CACNG2: variants seen among roughly 807,000 people sequenced by gnomAD.
CACNG2 encodes the protein voltage-dependent calcium channel gamma-2 subunit.
Under a neutral mutation model 25.9 loss-of-function variants are expected in CACNG2, and 3 were observed. That is an observed-to-expected ratio of 0.12 (90% CI 0.05 to 0.30). The LOEUF (loss-of-function observed/expected upper bound fraction) is 0.30. Ranked by LOEUF, CACNG2 falls within the 10% of genes least tolerant of loss-of-function variation. The pLI, the probability that CACNG2 is intolerant of heterozygous loss-of-function variation, is 1.00. For missense variants in CACNG2, 341 were observed against 432.5 expected (o/e 0.79, Z 1.88); for synonymous variants, 167 against 173.3 (o/e 0.96, Z 0.29).
intron 1 of CACNG2, among the ~76,000 whole-genome samples, chr22:36,594,178 C>T (rs2145926880): frequency 6.6e-6 from 1 of 152,320 alleles, no homozygotes; most frequent in Non-Finnish European, 1.5e-5. Flanking sequence ...CCTAGGCACC[C>T]TCTGTCCCTG....
chr22:36,697,280 T>G (rs1353830993), intron 1 of CACNG2, among the ~76,000 whole-genome samples: 2 of 151,466 alleles, frequency 1.3e-5, no homozygotes, highest in Non-Finnish European at 2.9e-5. Context: ...TGCAGGGGAG[T>G]CACTGGGTTG....
chr22:36,570,007 C>T (rs1935197591), intron 2 of CACNG2, among the ~76,000 whole-genome samples: 1 of 152,192 alleles, frequency 6.6e-6, no homozygotes, highest in African/African-American at 2.4e-5. Context: ...TCTGGCCTTC[C>T]CCCTCCAAGA....
chr22:36,587,606 G>A, intron 1 of CACNG2, 58 bp from the exon 2 acceptor site: 1 of 1,168,030 alleles, frequency 8.6e-7, no homozygotes, highest in Non-Finnish European at 1.3e-6. Context: ...GGCGCTTAGG[G>A]CCCACCTGCC....
chr22:36,631,240 C>T (rs1219222405), intron 1 of CACNG2, among the ~76,000 whole-genome samples: 2 of 152,144 alleles, frequency 1.3e-5, no homozygotes, highest in African/African-American at 2.4e-5. Context: ...TGGAAGTTCA[C>T]AGATGGTGTT....
At chr22:36,617,449 T>G (rs1936039667) in intron 1 of CACNG2, among the ~76,000 whole-genome samples, 1 of 151,952 alleles carries the variant, frequency 6.6e-6, no homozygotes, top group African/African-American at 2.4e-5. Flanking sequence ...ATACCAGCTT[T>G]TGGAGGCAGA....
chr22:36,680,605 T>C (rs2146002326), intron 1 of CACNG2, among the ~76,000 whole-genome samples: 1 of 138,706 alleles, frequency 7.2e-6, no homozygotes, highest in African/African-American at 2.8e-5. Context: ...GCATCATGGC[T>C]ATAATTACTA....
intron 1 of CACNG2, among the ~76,000 whole-genome samples, chr22:36,687,483 C>T (rs756447828): frequency 4.6e-5 from 7 of 152,118 alleles, no homozygotes; most frequent in Non-Finnish European, 8.8e-5. Context: ...TGAATCCTTC[C>T]TGGTACAAGC....
chr22:36,597,584 A>G lies in CACNG2; in HGVS notation c.212-10036T>C, dbSNP rs190116087. The stretch of plus-strand genomic sequence containing the variant: ...GTTCTTAACCCAGAACAGATACTCA[A>G]CAATGTAGGTCCTCCTTCTTTTTCT... On this transcript the variant is annotated intron_variant, in intron 1 of 3. Coordinates refer to ENST00000300105, the MANE Select transcript of CACNG2 (RefSeq NM_006078.5). Among the ~76,000 whole-genome samples the G allele has an allele frequency of 2.3e-4, 35 of 152,310 alleles. No individual in the cohort carries two copies. The East Asian group carries it at 4.2e-3, about 18-fold the overall frequency.
intron 1 of CACNG2, among the ~76,000 whole-genome samples, chr22:36,609,658 CCCCCCAGAGCGTGATCGGGCAGGAATCAA>C (rs1935901730): frequency 7.2e-5 from 2 of 27,752 alleles, no homozygotes; most frequent in Non-Finnish European, 2.4e-4. Flanking sequence ...CAGGAATCAG[CCCCCCAGAGCGTGATCGGGCAGGAATCAA>C]CCCCCCAGAG....
Position 36,702,591 on chromosome 22 carries a change from T to C in CACNG2, c.-15A>G, listed in dbSNP as rs781541326. ...AACAGCCCCATAATTCTTCATTATA[T>C]AAACACCCAACCGACTTCTGGTTCT... On this transcript the variant is annotated 5_prime_UTR_variant, in exon 1 of 4. Coordinates refer to ENST00000300105, the MANE Select transcript of CACNG2 (RefSeq NM_006078.5). 1.0e-5 allele frequency: 16 copies of C among 1,607,600 alleles called. No individual in the cohort carries two copies. The highest frequency in any genetic ancestry group is 1.7e-5 in the Admixed American group (1 of 59,984).
chr22:36,607,894 C>T (rs1257367697), intron 1 of CACNG2, among the ~76,000 whole-genome samples: 1 of 152,228 alleles, frequency 6.6e-6, no homozygotes, highest in South Asian at 2.1e-4. Context: ...TAAAACAACA[C>T]CCATTTCACT....
intron 1 of CACNG2, among the ~76,000 whole-genome samples, chr22:36,645,019 G>A (rs1936497536): frequency 6.6e-6 from 1 of 152,148 alleles, no homozygotes; most frequent in African/African-American, 2.4e-5. Flanking sequence ...ACCAAAGCCT[G>A]CACCACATCC....
chr22:36,690,976 C>T (rs1937261659), intron 1 of CACNG2, among the ~76,000 whole-genome samples: 1 of 148,320 alleles, frequency 6.7e-6, no homozygotes, highest in South Asian at 2.3e-4. Context: ...CCCCTATCTC[C>T]TCTCCCATAC....
chr22:36,644,245 C>T (rs1188830606), intron 1 of CACNG2, among the ~76,000 whole-genome samples: 1 of 152,206 alleles, frequency 6.6e-6, no homozygotes, highest in Non-Finnish European at 1.5e-5. Flanking sequence ...TGGGCTAAAA[C>T]TGGCCTGAAA....
intron 1 of CACNG2, among the ~76,000 whole-genome samples, chr22:36,657,236 G>C (rs559292442): frequency 3.3e-5 from 5 of 152,346 alleles, no homozygotes; most frequent in African/African-American, 1.2e-4. Context: ...TTCTTCCGGA[G>C]AGATCCAGTG....
At chr22:36,665,718 A>C (rs1569045567) in intron 1 of CACNG2, among the ~76,000 whole-genome samples, 1 of 152,234 alleles carries the variant, frequency 6.6e-6, no homozygotes, top group East Asian at 1.9e-4. Context: ...AACAAACAAA[A>C]AACAACAACA....
chr22:36,643,787 A>G (rs1028882642), intron 1 of CACNG2, among the ~76,000 whole-genome samples: 1 of 152,228 alleles, frequency 6.6e-6, no homozygotes, highest in East Asian at 1.9e-4. Context: ...ATTTCTTCTC[A>G]TGATAAAATG....
chr22:36,637,811 G>A (rs991212465), intron 1 of CACNG2, among the ~76,000 whole-genome samples: 1 of 152,120 alleles, frequency 6.6e-6, no homozygotes, highest in African/African-American at 2.4e-5. Flanking sequence ...CTTGAGATCA[G>A]GGGTTGGAGA....
chr22:36,702,735 A>G lies in CACNG2; in HGVS notation c.-159T>C. 3.3e-6 allele frequency: 2 copies of G among 611,110 alleles called. No homozygotes were observed. The highest frequency in any genetic ancestry group is 2.1e-5 in the South Asian group (1 of 47,016). The allele number at this position is 611,110 out of a possible 1,614,324, so 37.9% of individuals were successfully genotyped here. On this transcript the variant is annotated 5_prime_UTR_variant, in exon 1 of 4. Coordinates refer to ENST00000300105, the MANE Select transcript of CACNG2 (RefSeq NM_006078.5). ...GAATAGAGAATATGGAGAGTTATAA[A>G]AAAAGGGAGGTAAGAAAGCTCACGG...
Sources: gnomAD v4.1 joint callset for allele counts (sites outside exome capture counted in the v4.1 genomes callset) on GRCh38, gnomAD v4.1.1 for gene constraint, MANE v1.5 for transcripts, NCBI Gene and HGNC (gene_info 2026-07-23, HGNC 2026-07-21) for gene names.